Variants in KCNMA1 observed in about 807,000 individuals in gnomAD.
The protein encoded by KCNMA1 is potassium calcium-activated channel subfamily M alpha 1, also known as Calcium-activated potassium channel subunit alpha-1.
KCNMA1 carries 29 observed loss-of-function variants against 140.0 expected under a neutral mutation model. The ratio of observed to expected loss-of-function variants is 0.21; its 90% confidence interval spans 0.15 to 0.28. The LOEUF (loss-of-function observed/expected upper bound fraction) is 0.28, where lower values mean the gene tolerates loss of function less well. Among genes scored for constraint, KCNMA1 ranks in the 10% least tolerant of loss-of-function variants. The pLI is 1.00. For missense variants in KCNMA1, 880 were observed against 1,602.2 expected, an observed-to-expected ratio of 0.55 and a Z score of 7.70; for synonymous variants, 612 against 611.9, an observed-to-expected ratio of 1.00 and a Z score of 0.00.
chr10:77,125,092 T>C (rs111614629), intron 5 of KCNMA1, among the ~76,000 whole-genome samples: 5 of 152,088 alleles, frequency 3.3e-5, no homozygotes, highest in Non-Finnish European at 5.9e-5. Flanking sequence ...CATGATTCAA[T>C]TACCTTCCAC....
intron 3 of KCNMA1, among the ~76,000 whole-genome samples, chr10:77,244,741 C>T (rs2058173663): frequency 6.6e-6 from 1 of 152,202 alleles, no homozygotes; most frequent in Non-Finnish European, 1.5e-5. Flanking sequence ...GCTAGGAAGG[C>T]TGAGTTAGAG....
chr10:77,359,620 C>G (rs780728695), intron 2 of KCNMA1, among the ~76,000 whole-genome samples: 5 of 152,282 alleles, frequency 3.3e-5, no homozygotes, highest in East Asian at 1.9e-4. Context: ...TATAAGGGAG[C>G]CTGTGTGGCC....
intron 20 of KCNMA1, among the ~76,000 whole-genome samples, chr10:76,967,231 T>C (rs754436598): frequency 6.6e-6 from 1 of 152,242 alleles, no homozygotes; most frequent in Non-Finnish European, 1.5e-5. Flanking sequence ...TGATTGATTC[T>C]GCTCAAACTG....
intron 18 of KCNMA1, among the ~76,000 whole-genome samples, chr10:77,003,208 G>A (rs11001965): frequency 0.59 from 89,744 of 151,988 alleles, 26,695 homozygotes; most frequent in Admixed American, 0.67. Flanking sequence ...TTTTAGTGAC[G>A]TGTTCTTTTA....
chr10:76,926,105 G>T (rs1186019164), intron 23 of KCNMA1, among the ~76,000 whole-genome samples: 1 of 152,164 alleles, frequency 6.6e-6, no homozygotes. Flanking sequence ...GGATCTTGGG[G>T]TCAGGCATTC....
intron 2 of KCNMA1, among the ~76,000 whole-genome samples, chr10:77,313,306 C>T (rs1056024923): frequency 1.3e-5 from 2 of 152,100 alleles, no homozygotes; most frequent in Non-Finnish European, 2.9e-5. Context: ...TAGCGGTCTG[C>T]GGAAGAAAGG....
rs573204185 is a variant in KCNMA1 at position 77,015,322 on chromosome 10, C to A, written c.2016-3279G>T. On this transcript the variant is annotated intron_variant, in intron 17 of 27. Transcript: ENST00000286628. ...AAATGGCACACGACAGCCTCTCTCTCCAGCTCCTGATAGCCCTCCTTCCCC... is the reference window on the plus strand; with the variant it reads ...AAATGGCACACGACAGCCTCTCTCTACAGCTCCTGATAGCCCTCCTTCCCC... Among the ~76,000 whole-genome samples the A allele has an allele frequency of 3.9e-5, 6 of 152,268 alleles. No homozygotes were observed. The South Asian group carries it at 1.2e-3, about 32-fold the overall frequency.
rs544733156 is a variant in KCNMA1, at chr10:77,521,904, G to A, written c.378+115361C>T. 3.3e-5 allele frequency among the ~76,000 whole-genome samples: 5 copies of A among 152,188 alleles called. No homozygotes were observed. The East Asian group carries it at 5.8e-4, about 18-fold the overall frequency. On this transcript the variant is annotated intron_variant, in intron 1 of 27. Transcript: ENST00000286628. ...CTAAGAGGACTCAGGGACCAGGCAC[G>A]GTGGCTCATGCCTGTAATCCCAGCA...
intron 5 of KCNMA1, among the ~76,000 whole-genome samples, chr10:77,125,012 C>T (rs2097702594): frequency 1.3e-5 from 2 of 151,982 alleles, no homozygotes; most frequent in Admixed American, 6.5e-5. Flanking sequence ...AGGGAAAAGC[C>T]CCTTATAAAA....
chr10:77,558,254 G>A (rs997107757), intron 1 of KCNMA1, among the ~76,000 whole-genome samples: 7 of 152,090 alleles, frequency 4.6e-5, no homozygotes, highest in Admixed American at 2.0e-4. Flanking sequence ...CAGATGGTAG[G>A]ACATGCCTCG....
intron 2 of KCNMA1, chr10:77,304,400 G>C (rs1282609217): frequency 2.6e-5 from 4 of 152,170 alleles, no homozygotes; most frequent in African/African-American, 9.7e-5. Context: ...CATAGCAGAG[G>C]GGCCCCTAAC....
chr10:77,146,826 G>GAATA (rs1239754537), intron 5 of KCNMA1, among the ~76,000 whole-genome samples: 1 of 150,262 alleles, frequency 6.7e-6, no homozygotes, highest in African/African-American at 2.4e-5. Context: ...CTTTCACACA[G>GAATA]AATATGCTAC....
intron 7 of KCNMA1, 125 bp from the exon 8 acceptor site, chr10:77,110,468 T>C: frequency 2.4e-6 from 2 of 836,054 alleles, no homozygotes; most frequent in Non-Finnish European, 4.1e-6. Flanking sequence ...CCACACGAGA[T>C]GTGTGGTTCC....
intron 1 of KCNMA1, among the ~76,000 whole-genome samples, chr10:77,563,439 T>C (rs1261092304): frequency 6.6e-6 from 1 of 152,186 alleles, no homozygotes; most frequent in East Asian, 1.9e-4. Context: ...CATCCTTTGA[T>C]GCATTTCAGT....
intron 1 of KCNMA1, among the ~76,000 whole-genome samples, chr10:77,456,004 C>T (rs941693724): frequency 2.6e-5 from 4 of 152,224 alleles, no homozygotes. Context: ...CTGCCATCCT[C>T]CTGGCATCTC....
Position 77,108,293 on chromosome 10 carries a change from C to T in KCNMA1, c.1223+188G>A, listed in dbSNP as rs1307016576. The T allele has an allele frequency of 7.4e-6, 11 of 1,488,890 alleles. No homozygotes were observed. Among genetic ancestry groups the T allele is most frequent in the Non-Finnish European group, 8.9e-6 (10 of 1,127,236 alleles). 92.2% of individuals were successfully genotyped at this position (1,488,890 alleles called of 1,614,324 possible). ...CTGATGCAACTGACTTACTTTCTGC[C>T]TCCATGTTTGTTAAAAGTCCCGCCG... On this transcript the variant is annotated intron_variant, in intron 9 of 27. Coordinates refer to ENST00000286628, the MANE Select transcript of KCNMA1 (RefSeq NM_001161352.2). This position sits in a 1 kb window ranked among gnomAD's most constrained non-coding sequence, Gnocchi z 4.6.
chr10:76,876,133 CATG>C (rs2032340451), downstream of KCNMA1: 2 of 152,676 alleles, frequency 1.3e-5, no homozygotes, highest in Admixed American at 6.5e-5. Flanking sequence ...CATATGTCTT[CATG>C]ATGATCTCAT....
At chr10:77,371,140 C>T (rs1283371840) in intron 2 of KCNMA1, among the ~76,000 whole-genome samples, 1 of 152,200 alleles carries the variant, frequency 6.6e-6, no homozygotes, top group Non-Finnish European at 1.5e-5. Flanking sequence ...ACTACTTACC[C>T]AACACTGAAC....
At chr10:77,104,826 T>C (rs2097168704) in intron 9 of KCNMA1, among the ~76,000 whole-genome samples, 1 of 152,158 alleles carries the variant, frequency 6.6e-6, no homozygotes, top group African/African-American at 2.4e-5. Context: ...CAAGGGGCTG[T>C]GAGAGGGAGG....
Sources: allele counts gnomAD v4.1 joint callset (sites outside exome capture counted in the v4.1 genomes callset), GRCh38; gene constraint gnomAD v4.1.1; non-coding constraint Gnocchi (gnomAD v3.1); transcripts MANE v1.5; gene names NCBI Gene and HGNC (gene_info 2026-07-23, HGNC 2026-07-21).